Variants in COL4A1 observed in about 807,000 individuals in gnomAD.
COL4A1 encodes collagen type IV alpha 1 chain, also known as collagen alpha-1(IV) chain.
A neutral mutation model predicts 216.6 loss-of-function variants in COL4A1; 40 were observed. That is an observed-to-expected ratio of 0.18 (90% CI 0.14 to 0.24). The LOEUF (loss-of-function observed/expected upper bound fraction) is 0.24. Among genes scored for constraint, COL4A1 ranks in the 10% least tolerant of loss-of-function variants. COL4A1 has a pLI of 1.00. For missense variants in COL4A1, 1,628 were observed against 2,196.8 expected, an observed-to-expected ratio of 0.74 and a Z score of 5.18; for synonymous variants, 839 against 810.7, an observed-to-expected ratio of 1.03 and a Z score of -0.59.
intron 1 of COL4A1, among the ~76,000 whole-genome samples, chr13:110,302,771 T>C (rs562800892): frequency 4.6e-5 from 7 of 152,228 alleles, no homozygotes; most frequent in Non-Finnish European, 1.0e-4. Flanking sequence ...AATATGTCTT[T>C]TGTATTGTTC....
intron 24 of COL4A1, among the ~76,000 whole-genome samples, chr13:110,189,047 GT>G (rs898791259): frequency 2.0e-5 from 3 of 152,196 alleles, no homozygotes; most frequent in Admixed American, 6.5e-5. Flanking sequence ...TTTGTTTTTT[GT>G]TTTGTTTTGT....
In COL4A1 at chr13:110,211,184, A is replaced by T. The variant is rs912817400; in HGVS notation, c.468+463T>A. Among the ~76,000 whole-genome samples the T allele has an allele frequency of 1.4e-4, 22 of 152,232 alleles. No homozygotes were observed. Among genetic ancestry groups the T allele is most frequent in the African/African-American group, 5.1e-4 (21 of 41,466 alleles). ...TTTGACAAGGCTGATCCCAACATCC[A>T]GATGCCCGAGGTCCCCGCCCTGTGC... is the stretch of plus-strand genomic sequence containing the variant. On this transcript the variant is annotated intron_variant, in intron 8 of 51. Transcript: ENST00000375820. The surrounding 1 kb of genome is among the most constrained non-coding windows in gnomAD (Gnocchi z 4.3).
intron 1 of COL4A1, among the ~76,000 whole-genome samples, chr13:110,297,226 G>T (rs926259426): frequency 7.2e-5 from 11 of 152,194 alleles, no homozygotes; most frequent in Admixed American, 3.3e-4. Flanking sequence ...GCTGCGGGGT[G>T]GGGGGGCCAG....
intron 35 of COL4A1, 50 bp downstream of exon 35, chr13:110,176,576 G>A (rs756001513): frequency 3.1e-6 from 5 of 1,591,032 alleles, no homozygotes; most frequent in South Asian, 2.2e-5. Flanking sequence ...GGGAACACAG[G>A]CCTCATCCTG....
Position 110,213,849 on chromosome 13 carries a change from T to C in COL4A1, c.235-23A>G, listed in dbSNP as rs56294719. Reference sequence around the variant, plus strand: ...ACCCTGGAACAGAATAGAAATGCCATTGTCATTGATCACCGCTATCTCAAG... The same window carrying C: ...ACCCTGGAACAGAATAGAAATGCCACTGTCATTGATCACCGCTATCTCAAG... On this transcript the variant is annotated intron_variant, in intron 3 of 51. Transcript: ENST00000375820. The C allele has an allele frequency of 3.9e-3, 6,241 of 1,614,024 alleles. 182 individuals carry two copies. In the African/African-American group the frequency reaches 0.07, roughly 18 times the overall value.
chr13:110,300,610 T>C (rs1419181716), intron 1 of COL4A1, among the ~76,000 whole-genome samples: 1 of 152,222 alleles, frequency 6.6e-6, no homozygotes, highest in Non-Finnish European at 1.5e-5. Flanking sequence ...GCTTCCCCAA[T>C]TGTTGGTGTA....
chr13:110,237,356 G>A (rs970196721), intron 2 of COL4A1, among the ~76,000 whole-genome samples: 1 of 142,580 alleles, frequency 7.0e-6, no homozygotes, highest in South Asian at 2.3e-4. Flanking sequence ...TTAGTTCAGC[G>A]GTATTCCATC....
chr13:110,160,449 C>CAAA (rs71127918), intron 49 of COL4A1, among the ~76,000 whole-genome samples: 1 of 108,126 alleles, frequency 9.2e-6, no homozygotes, highest in Non-Finnish European at 1.8e-5. Flanking sequence ...GACTCCGTCT[C>CAAA]AAAAAAAAAA....
At chr13:110,186,690 C>A in intron 25 of COL4A1, 137 bp from the exon 26 acceptor site, 1 of 1,050,098 alleles carries the variant, frequency 9.5e-7, no homozygotes, top group Non-Finnish European at 1.4e-6. Context: ...CATCTACCCT[C>A]CCAGGAGGGC....
intron 2 of COL4A1, among the ~76,000 whole-genome samples, chr13:110,218,817 C>G (rs928870282): frequency 6.6e-6 from 1 of 152,174 alleles, no homozygotes; most frequent in South Asian, 2.1e-4. Context: ...TCTAGCGCCT[C>G]GAGATTTCCA....
intron 29 of COL4A1, among the ~76,000 whole-genome samples, chr13:110,180,785 T>C (rs1022419460): frequency 6.6e-6 from 1 of 152,166 alleles, no homozygotes; most frequent in African/African-American, 2.4e-5. Flanking sequence ...AGATTTTCAG[T>C]TGTGACTGGG....
chr13:110,177,796 G>C, intron 33 of COL4A1, 46 bp downstream of exon 33: 1 of 1,593,948 alleles, frequency 6.3e-7, no homozygotes, highest in Non-Finnish European at 8.6e-7. Context: ...AAGTGGCATC[G>C]AGAAATAGAC....
intron 1 of COL4A1, among the ~76,000 whole-genome samples, chr13:110,270,806 ACACC>A (rs1883218982): frequency 6.6e-6 from 1 of 152,168 alleles, no homozygotes; most frequent in Admixed American, 6.5e-5. Flanking sequence ...AGAAGCAAAG[ACACC>A]ACAGTAGCAA....
chr13:110,261,096 AT>A (rs1427169747), intron 1 of COL4A1, among the ~76,000 whole-genome samples: 1 of 150,536 alleles, frequency 6.6e-6, no homozygotes, highest in Non-Finnish European at 1.5e-5. Context: ...TTTTACCACA[AT>A]TTTAAAAATG....
At chr13:110,225,771 C>G (rs1010914971) in intron 2 of COL4A1, among the ~76,000 whole-genome samples, 3 of 152,168 alleles carry the variant, frequency 2.0e-5, no homozygotes, top group Non-Finnish European at 4.4e-5. Context: ...TTCATGCTCT[C>G]TCTTCAGTCA....
At chr13:110,284,558 C>A (rs536824160) in intron 1 of COL4A1, among the ~76,000 whole-genome samples, 1 of 152,128 alleles carries the variant, frequency 6.6e-6, no homozygotes, top group Non-Finnish European at 1.5e-5. Context: ...CATTTTTCAC[C>A]GATTTTTGTG....
At position 110,201,459 on chromosome 13, in the gene COL4A1, T is replaced by C; in HGVS notation, c.1063A>G (p.Arg355Gly). 1.2e-6 allele frequency: 2 copies of C among 1,613,876 alleles called. No homozygotes were observed. Among genetic ancestry groups the C allele is most frequent in the Non-Finnish European group, 1.7e-6 (2 of 1,179,992 alleles). ...CTACCTTTTGGGCCTGGCTCTCCTC[T>C]TGGCCCCGGAGTTCCAGGGTAGCCC... ...ERGYPGTPGP[R>G]GEPGPKGFPG... is the part of the protein sequence containing the mutation. The change falls in exon 19 of 52, where the codon AGA becomes GGA. Residue 355 changes from arginine to glycine, a missense_variant. Physicochemically the swap from Arg to Gly is moderately radical, Grantham distance 125. Coordinates refer to ENST00000375820, the MANE Select transcript of COL4A1 (RefSeq NM_001845.6).
At chr13:110,203,656 G>A (rs1879350598) in intron 17 of COL4A1, 49 bp from the exon 18 acceptor site, 1 of 1,596,620 alleles carries the variant, frequency 6.3e-7, no homozygotes, top group South Asian at 1.1e-5. Context: ...TATAAAGATT[G>A]TCTTGCAGAA....
intron 2 of COL4A1, among the ~76,000 whole-genome samples, chr13:110,218,971 C>T (rs1236410254): frequency 6.6e-6 from 1 of 152,220 alleles, no homozygotes; most frequent in African/African-American, 2.4e-5. Flanking sequence ...CGAAATTCCA[C>T]AAGGCCAACT....
Sources: gnomAD v4.1 joint callset for allele counts (sites outside exome capture counted in the v4.1 genomes callset) on GRCh38, gnomAD v4.1.1 for gene constraint, Gnocchi (gnomAD v3.1) non-coding constraint, MANE v1.5 for transcripts, NCBI Gene and HGNC (gene_info 2026-07-23, HGNC 2026-07-21) for gene names.